ZNF469: variants seen among roughly 807,000 people sequenced by gnomAD.
ZNF469 encodes zinc finger protein 469.
Under a neutral mutation model 1.0 loss-of-function variants are expected in ZNF469, and 1 was observed. The observed-to-expected ratio is 1.00, with a 90% CI of 0.35 to 4.73. The LOEUF (loss-of-function observed/expected upper bound fraction) is 4.73, where lower values mean the gene tolerates loss of function less well. ZNF469 is among the 30% of genes most tolerant of loss of function. The pLI is 0.16. For synonymous variants in ZNF469, 2,703 were observed against 2,363.4 expected (o/e 1.14, Z -4.17); for missense variants, 6,100 against 5,356.3 (o/e 1.14, Z -4.33).
chr16:88,415,969 C>G (rs1308735435), intron 1 of ZNF469, among the ~76,000 whole-genome samples: 1 of 152,228 alleles, frequency 6.6e-6, no homozygotes, highest in East Asian at 1.9e-4. Context: ...TGCGGACACC[C>G]CATCCCCACC....
At chr16:88,377,477 C>T in the ZNF469 span, among the ~76,000 whole-genome samples, 1 of 152,180 alleles carries the variant, frequency 6.6e-6, no homozygotes, top group African/African-American at 2.4e-5. Context: ...CCCTGTCCAC[C>T]CCAGCTTTTT....
At chr16:88,121,672 C>G in the ZNF469 span, among the ~76,000 whole-genome samples, 48 of 152,296 alleles carry the variant, frequency 3.2e-4, no homozygotes, top group African/African-American at 1.1e-3. Flanking sequence ...AATCATATAT[C>G]ATTTTGTCTG....
In ZNF469 at chr16:88,429,550, G is replaced by A. The variant is rs1194824162; in HGVS notation, c.2080G>A (p.Gly694Ser). The A allele has an allele frequency of 9.7e-6, 15 of 1,550,020 alleles. No individual in the cohort carries two copies. The East Asian group carries it at 9.8e-5, about 10-fold the overall frequency. ...CLEETPFPHE[G>S]PEVGRGGLQG... Reference sequence around the variant, plus strand: ...GGAGGAGACCCCATTCCCCCACGAGGGCCCCGAGGTGGGTCGGGGAGGGCT... The same window carrying A: ...GGAGGAGACCCCATTCCCCCACGAGAGCCCCGAGGTGGGTCGGGGAGGGCT... The change falls in exon 3 of 3, where the codon GGC (glycine) becomes AGC (serine). Residue 694 changes from glycine to serine, a missense_variant. Gly to Ser is a moderately conservative substitution (Grantham distance 56, BLOSUM62 0). Transcript: ENST00000565624.
chr16:88,261,044 T>C, the ZNF469 span, among the ~76,000 whole-genome samples: 1 of 152,136 alleles, frequency 6.6e-6, no homozygotes, highest in Admixed American at 6.5e-5. This position sits in a 1 kb window ranked among gnomAD's most constrained non-coding sequence, Gnocchi z 6.0. Flanking sequence ...TCTGGGGGTC[T>C]TGGTGCCTGA....
intron 1 of ZNF469, among the ~76,000 whole-genome samples, chr16:88,419,564 G>T (rs1191335902): frequency 6.6e-6 from 1 of 152,166 alleles, no homozygotes; most frequent in East Asian, 1.9e-4. Flanking sequence ...GACAGGTGGG[G>T]CCCTGGGATT....
chr16:88,228,618 A>G, the ZNF469 span, among the ~76,000 whole-genome samples: 15 of 152,314 alleles, frequency 9.8e-5, no homozygotes, highest in South Asian at 4.1e-4. Context: ...TTTTTTGCAA[A>G]ATATTCTCAT....
chr16:88,166,362 C>G, the ZNF469 span, among the ~76,000 whole-genome samples: 4 of 152,148 alleles, frequency 2.6e-5, no homozygotes, highest in South Asian at 2.1e-4. This position sits in a 1 kb window ranked among gnomAD's most constrained non-coding sequence, Gnocchi z 4.5. Flanking sequence ...ATGATTCACT[C>G]TAAATGGTTT....
chr16:88,263,642 T>C, the ZNF469 span, among the ~76,000 whole-genome samples: 2 of 152,246 alleles, frequency 1.3e-5, no homozygotes, highest in African/African-American at 2.4e-5. Flanking sequence ...AAGGGTGCAG[T>C]GGGCAGCTCA....
chr16:88,180,170 T>A, the ZNF469 span, among the ~76,000 whole-genome samples: 3 of 152,118 alleles, frequency 2.0e-5, no homozygotes, highest in Non-Finnish European at 1.5e-5. Context: ...AACGGAAAAA[T>A]TATTTAAAAA....
rs1005796751 is a variant in ZNF469, at chr16:88,435,868, C to G, written c.8398C>G (p.Leu2800Val). The change falls in exon 3 of 3, where the codon CTG (leucine) becomes GTG (valine). Residue 2800 changes from leucine (L) to valine (V), a missense_variant. Coordinates refer to ENST00000565624, the MANE Select transcript of ZNF469 (RefSeq NM_001367624.2). ...WEENTPPLGP[L>V]GFPETSSSPA... ...GGAGAACACGCCCCCCTTGGGCCCC[C>G]TGGGTTTTCCCGAGACTTCCAGCTC... 6.5e-7 allele frequency: 1 copy of G among 1,550,280 alleles called. No homozygotes were observed.
At chr16:88,402,808 T>C (rs1376668223) in intron 1 of ZNF469, among the ~76,000 whole-genome samples, 1 of 152,176 alleles carries the variant, frequency 6.6e-6, no homozygotes, top group Non-Finnish European at 1.5e-5. Flanking sequence ...AACTCCCTTA[T>C]GCACTTCATC....
At position 88,427,761 on chromosome 16, in the gene ZNF469, G is replaced by T. The variant is rs762564817; in HGVS notation, c.291G>T (p.Pro97=). The T allele has an allele frequency of 6.5e-7, 1 of 1,544,980 alleles. No homozygotes were observed. ...AGAGGGGCAGCCCCCAGACCCCACCGGGGAGAAGCCCCTTGCAGGCTCCCT... is the reference window on the plus strand; with the variant it reads ...AGAGGGGCAGCCCCCAGACCCCACCTGGGAGAAGCCCCTTGCAGGCTCCCT... ...PGKRGSPQTP[P]GRSPLQAPSR... The change falls in exon 3 of 3, where the codon CCG becomes CCT. Residue 97 remains proline (P), a synonymous_variant. Transcript: ENST00000565624.
At chr16:88,155,145 G>A in the ZNF469 span, among the ~76,000 whole-genome samples, 1 of 152,206 alleles carries the variant, frequency 6.6e-6, no homozygotes, top group South Asian at 2.1e-4. Flanking sequence ...AGGAGATGCA[G>A]AGCTGGGGAC....
At chr16:88,265,233 G>C in the ZNF469 span, among the ~76,000 whole-genome samples, 2 of 152,234 alleles carry the variant, frequency 1.3e-5, no homozygotes, top group Non-Finnish European at 2.9e-5. Flanking sequence ...TCCTCCTCCA[G>C]GGGTGACTTC....
At chr16:88,186,870 G>A in the ZNF469 span, among the ~76,000 whole-genome samples, 349 of 152,230 alleles carry the variant, frequency 2.3e-3, no homozygotes, top group African/African-American at 8.0e-3. Flanking sequence ...TGACTCACGG[G>A]GCCTGAGCTG....
chr16:88,276,856 G>A, the ZNF469 span, among the ~76,000 whole-genome samples: 30 of 152,010 alleles, frequency 2.0e-4, no homozygotes, highest in African/African-American at 7.2e-4. Context: ...GATATCATTA[G>A]TGCTGTGCCA....
the ZNF469 span, among the ~76,000 whole-genome samples, chr16:88,160,767 T>A: frequency 1.3e-4 from 20 of 152,134 alleles, no homozygotes; most frequent in Admixed American, 6.5e-5. Flanking sequence ...ACATTGCACC[T>A]TTTCCCACCC....
rs560194467 is a variant in ZNF469, at chr16:88,424,720, G to T, written c.-191-87G>T. On this transcript the variant is annotated intron_variant, in intron 1 of 2. Transcript: ENST00000565624. The surrounding 1 kb of genome is among the most constrained non-coding windows in gnomAD (Gnocchi z 4.3). ...CCACAGCCGGCTCTGCCCAGGAGCC[G>T]CTCCCTCCCACCTGGCTTCTCCTCG... Among the ~76,000 whole-genome samples the T allele has an allele frequency of 6.6e-6, 1 of 152,066 alleles. No homozygotes were observed. Among genetic ancestry groups the T allele is most frequent in the Admixed American group, 6.5e-5 (1 of 15,276 alleles).
At chr16:88,108,659 G>A in the ZNF469 span, among the ~76,000 whole-genome samples, 187 of 152,320 alleles carry the variant, frequency 1.2e-3, no homozygotes, top group African/African-American at 4.3e-3. Flanking sequence ...AGGTGGTGGT[G>A]ACGCTGTAGG....
Sources: gnomAD v4.1 joint callset for allele counts (sites outside exome capture counted in the v4.1 genomes callset) on GRCh38, gnomAD v4.1.1 for gene constraint, Gnocchi (gnomAD v3.1) non-coding constraint, MANE v1.5 for transcripts, NCBI Gene and HGNC (gene_info 2026-07-23, HGNC 2026-07-21) for gene names.